CNTN5: variants seen among roughly 807,000 people sequenced by gnomAD.
The protein encoded by CNTN5 is contactin-5.
A neutral mutation model predicts 129.1 loss-of-function variants in CNTN5; 77 were observed. The ratio of observed to expected loss-of-function variants is 0.60; its 90% CI spans 0.50 to 0.72. The LOEUF is 0.72. CNTN5 is among the 30% of genes least tolerant of loss of function. The pLI is 0.00. For synonymous variants in CNTN5, 509 were observed against 465.6 expected (o/e 1.09, Z -1.20); for missense variants, 1,478 against 1,328.8 (o/e 1.11, Z -1.75).
intron 16 of CNTN5, among the ~76,000 whole-genome samples, chr11:100,252,024 G>T (rs576485123): frequency 7.2e-5 from 11 of 152,098 alleles, no homozygotes; most frequent in African/African-American, 2.7e-4. Flanking sequence ...ACTAGTTTAC[G>T]TTCCCACCAA....
At chr11:100,215,428 A>G (rs1949118492) in intron 15 of CNTN5, among the ~76,000 whole-genome samples, 1 of 152,204 alleles carries the variant, frequency 6.6e-6, no homozygotes, top group Non-Finnish European at 1.5e-5. Context: ...GTGAACAAGT[A>G]GTTATATCCT....
At position 99,655,916 on chromosome 11, in the gene CNTN5, C is replaced by T. The variant is rs140088360; in HGVS notation, c.55+99647C>T. 2.2e-4 allele frequency among the ~76,000 whole-genome samples: 33 copies of T among 151,944 alleles called. No homozygotes were observed. The Middle Eastern group carries it at 0.01, about 47-fold the overall frequency. On this transcript the variant is annotated intron_variant, in intron 3 of 24. Coordinates refer to ENST00000524871, the MANE Select transcript of CNTN5 (RefSeq NM_014361.4). ...TATTCAGAGGCTCCACAATAATACACGCATAAAATACAAATATATACACAC... is the reference window on the plus strand; with the variant it reads ...TATTCAGAGGCTCCACAATAATACATGCATAAAATACAAATATATACACAC...
At chr11:99,109,755 T>C (rs1857698966) in intron 1 of CNTN5, among the ~76,000 whole-genome samples, 1 of 152,160 alleles carries the variant, frequency 6.6e-6, no homozygotes, top group African/African-American at 2.4e-5. Flanking sequence ...GCATTGCTTA[T>C]ATGTAAAAGA....
chr11:99,552,009 G>A (rs1303231899), intron 2 of CNTN5, among the ~76,000 whole-genome samples: 1 of 151,162 alleles, frequency 6.6e-6, no homozygotes, highest in Admixed American at 6.6e-5. Context: ...CCTGGTTCAA[G>A]TGATTCTCAT....
At chr11:99,964,855 T>G (rs1481397042) in intron 8 of CNTN5, among the ~76,000 whole-genome samples, 1 of 152,232 alleles carries the variant, frequency 6.6e-6, no homozygotes, top group African/African-American at 2.4e-5. Flanking sequence ...ATTGGTCTAT[T>G]CAGAGATTCA....
chr11:100,066,428 A>G (rs34453184), intron 10 of CNTN5, among the ~76,000 whole-genome samples: 11,223 of 152,220 alleles, frequency 0.074, 531 homozygotes, highest in East Asian at 0.19. Context: ...AATAACACTT[A>G]GCATTTATCA....
At chr11:100,159,817 A>C (rs1051550351) in intron 13 of CNTN5, among the ~76,000 whole-genome samples, 4 of 151,902 alleles carry the variant, frequency 2.6e-5, no homozygotes, top group Admixed American at 1.3e-4. Flanking sequence ...AAAGACCTCC[A>C]AAATAGACAT....
intron 16 of CNTN5, among the ~76,000 whole-genome samples, chr11:100,252,918 TCA>T (rs1413031162): frequency 3.3e-5 from 5 of 152,118 alleles, no homozygotes; most frequent in Non-Finnish European, 7.4e-5. Context: ...AACTCAAAAT[TCA>T]CACACAGTCA....
chr11:99,548,600 G>C (rs1399264454), intron 2 of CNTN5, among the ~76,000 whole-genome samples: 1 of 152,164 alleles, frequency 6.6e-6, no homozygotes, highest in African/African-American at 2.4e-5. Context: ...GCTTGAATTA[G>C]GGAGACATCC....
intron 15 of CNTN5, among the ~76,000 whole-genome samples, chr11:100,222,919 C>A (rs1330452702): frequency 6.6e-6 from 1 of 152,026 alleles, no homozygotes; most frequent in Non-Finnish European, 1.5e-5. Flanking sequence ...TAAAAAAGCT[C>A]ATTCATACAG....
chr11:100,051,018 T>C (rs1009033836), intron 9 of CNTN5, among the ~76,000 whole-genome samples: 2 of 152,112 alleles, frequency 1.3e-5, no homozygotes, highest in Non-Finnish European at 2.9e-5. Context: ...TCTCTAGTAA[T>C]TTATCAATTA....
chr11:99,891,936 C>T (rs1949070739), intron 6 of CNTN5, among the ~76,000 whole-genome samples: 1 of 152,260 alleles, frequency 6.6e-6, no homozygotes, highest in African/African-American at 2.4e-5. Flanking sequence ...AACTAATTTA[C>T]ACTCCCAACA....
chr11:99,786,673 C>G (rs917636160), intron 3 of CNTN5, among the ~76,000 whole-genome samples: 2 of 152,122 alleles, frequency 1.3e-5, no homozygotes. Context: ...ACCAATGGAA[C>G]AGAACAGAGA....
chr11:99,774,583 C>T (rs762905151), intron 3 of CNTN5, among the ~76,000 whole-genome samples: 2 of 151,918 alleles, frequency 1.3e-5, no homozygotes, highest in Non-Finnish European at 2.9e-5. Context: ...TACATTGTCT[C>T]TCCAACTGTC....
At chr11:99,572,137 T>C (rs965764545) in intron 3 of CNTN5, among the ~76,000 whole-genome samples, 1 of 152,150 alleles carries the variant, frequency 6.6e-6, no homozygotes, top group Non-Finnish European at 1.5e-5. Context: ...ATGTAAGCCA[T>C]TTAGACTTAT....
chr11:99,635,451 A>C (rs1207895701), intron 3 of CNTN5, among the ~76,000 whole-genome samples: 1 of 151,026 alleles, frequency 6.6e-6, no homozygotes, highest in African/African-American at 2.4e-5. Flanking sequence ...GAGCTTAGCA[A>C]ATGGTAGATG....
Position 100,198,874 on chromosome 11 carries a change from G to C in CNTN5, c.1884+5211G>C, listed in dbSNP as rs77741425. ...CAGAATATAAACCCCTTAGTGCCTTGAGAATTTTATATTAGCTGGAAAACT... is the reference window on the plus strand; with the variant it reads ...CAGAATATAAACCCCTTAGTGCCTTCAGAATTTTATATTAGCTGGAAAACT... On this transcript the variant is annotated intron_variant, in intron 15 of 24. Coordinates refer to ENST00000524871, the MANE Select transcript of CNTN5 (RefSeq NM_014361.4). Among the ~76,000 whole-genome samples, 567 of 151,926 alleles carry C rather than the reference G, an allele frequency of 3.7e-3. 6 individuals are homozygous for C. Among genetic ancestry groups the C allele is most frequent in the African/African-American group, 0.013 (545 of 41,480 alleles).
intron 21 of CNTN5, among the ~76,000 whole-genome samples, chr11:100,325,067 T>C (rs1015428015): frequency 3.3e-5 from 5 of 152,240 alleles, no homozygotes; most frequent in East Asian, 1.9e-4. Context: ...ATGAACTAAA[T>C]TGACGCAAGC....
intron 1 of CNTN5, among the ~76,000 whole-genome samples, chr11:99,065,315 C>T (rs962481450): frequency 1.3e-5 from 2 of 152,002 alleles, no homozygotes; most frequent in African/African-American, 4.8e-5. Flanking sequence ...CAGGGCTGTG[C>T]AAAGTAAAAT....
Sources: gnomAD v4.1 joint callset for allele counts (sites outside exome capture counted in the v4.1 genomes callset) on GRCh38, gnomAD v4.1.1 for gene constraint, MANE v1.5 for transcripts, NCBI Gene and HGNC (gene_info 2026-07-23, HGNC 2026-07-21) for gene names.